ARHGAP15: variants seen among roughly 807,000 people sequenced by gnomAD.
The protein encoded by ARHGAP15 is Rho GTPase activating protein 15, also known as rho GTPase-activating protein 15.
Under a neutral mutation model 63.7 loss-of-function variants are expected in ARHGAP15, and 51 were observed. The ratio of observed to expected loss-of-function variants is 0.80; its 90% CI spans 0.64 to 1.01. ARHGAP15 has a LOEUF of 1.01. Among genes scored for constraint, ARHGAP15 ranks in the 50% least tolerant of loss-of-function variants. The pLI is 0.00. For missense variants in ARHGAP15, 560 were observed against 564.6 expected (o/e 0.99, Z 0.08); for synonymous variants, 191 against 193.8 (o/e 0.99, Z 0.12).
At chr2:143,264,921 G>A (rs1245950571) in intron 6 of ARHGAP15, among the ~76,000 whole-genome samples, 1 of 151,994 alleles carries the variant, frequency 6.6e-6, no homozygotes, top group African/African-American at 2.4e-5. Context: ...ACATGCAGGT[G>A]GTGCCATTTC....
intron 12 of ARHGAP15, among the ~76,000 whole-genome samples, chr2:143,698,898 A>C (rs1178422242): frequency 6.6e-6 from 1 of 152,192 alleles, no homozygotes; most frequent in Non-Finnish European, 1.5e-5. Context: ...TAATGTAAAA[A>C]GTTAGTGATA....
chr2:143,535,408 G>A (rs1015005511), intron 10 of ARHGAP15, among the ~76,000 whole-genome samples: 8 of 152,154 alleles, frequency 5.3e-5, no homozygotes, highest in South Asian at 4.1e-4. Context: ...ATACTAAAGC[G>A]TATATGACCA....
chr2:143,489,177 G>A (rs1045775661), intron 9 of ARHGAP15, among the ~76,000 whole-genome samples: 7 of 152,180 alleles, frequency 4.6e-5, no homozygotes, highest in Non-Finnish European at 1.0e-4. Context: ...GCAGGGTCTG[G>A]CTCCACATGA....
At chr2:143,741,821 T>C (rs1362736654) in intron 13 of ARHGAP15, among the ~76,000 whole-genome samples, 2 of 152,216 alleles carry the variant, frequency 1.3e-5, no homozygotes, top group African/African-American at 4.8e-5. Context: ...CCGGAGCATC[T>C]TGAATACATT....
intron 8 of ARHGAP15, among the ~76,000 whole-genome samples, chr2:143,481,243 ACTAT>A (rs1169894343): frequency 6.6e-6 from 1 of 152,116 alleles, no homozygotes; most frequent in Non-Finnish European, 1.5e-5. Flanking sequence ...TGCTAACAAA[ACTAT>A]CTACCTACAC....
At chr2:143,536,525 C>A (rs1419116260) in intron 10 of ARHGAP15, among the ~76,000 whole-genome samples, 5 of 122,222 alleles carry the variant, frequency 4.1e-5, no homozygotes, top group African/African-American at 1.5e-4. Flanking sequence ...CCTCCCCCCT[C>A]CCCCCACCCC....
intron 1 of ARHGAP15, among the ~76,000 whole-genome samples, chr2:143,153,852 CTCCTCCTCCTCCTCCTCCTCT>C (rs1393671778): frequency 1.1e-4 from 8 of 72,942 alleles, no homozygotes; most frequent in East Asian, 1.0e-3. Context: ...CTTCCTCCTC[CTCCTCCTCCTCCTCCTCCTCT>C]TCCTCCTCCT....
intron 2 of ARHGAP15, among the ~76,000 whole-genome samples, chr2:143,162,934 G>A (rs887870833): frequency 2.0e-5 from 3 of 152,002 alleles, no homozygotes; most frequent in Non-Finnish European, 4.4e-5. Flanking sequence ...AGGCAAGCTA[G>A]AAAATGGTGT....
At chr2:143,498,233 C>T (rs1241881387) in intron 9 of ARHGAP15, among the ~76,000 whole-genome samples, 2 of 152,162 alleles carry the variant, frequency 1.3e-5, no homozygotes, top group Admixed American at 1.3e-4. Context: ...TCTCTTTGGA[C>T]TTCTTACCCC....
At chr2:143,742,133 A>T (rs888363393) in intron 13 of ARHGAP15, among the ~76,000 whole-genome samples, 6 of 152,174 alleles carry the variant, frequency 3.9e-5, no homozygotes, top group African/African-American at 1.4e-4. Context: ...TGGTCTTTGG[A>T]TCTCCTTAGG....
At chr2:143,435,921 C>T (rs888026188) in intron 7 of ARHGAP15, among the ~76,000 whole-genome samples, 1 of 151,844 alleles carries the variant, frequency 6.6e-6, no homozygotes, top group African/African-American at 2.4e-5. Flanking sequence ...TGCATTCTTT[C>T]TTTTTTTCTG....
At chr2:143,735,018 T>TA (rs1409825713) in intron 13 of ARHGAP15, among the ~76,000 whole-genome samples, 2 of 152,186 alleles carry the variant, frequency 1.3e-5, no homozygotes. Flanking sequence ...TCCTTCAAAT[T>TA]AAAAAACGAA....
At chr2:143,616,127 C>G (rs556521103) in intron 11 of ARHGAP15, among the ~76,000 whole-genome samples, 11 of 152,152 alleles carry the variant, frequency 7.2e-5, no homozygotes, top group Admixed American at 6.5e-4. Flanking sequence ...ATCTAAAAGC[C>G]TGGAGAGCAG....
chr2:143,642,785 G>A (rs1680670561), intron 12 of ARHGAP15, among the ~76,000 whole-genome samples: 1 of 152,114 alleles, frequency 6.6e-6, no homozygotes, highest in Admixed American at 6.6e-5. Flanking sequence ...AGTATATGGA[G>A]TTTGGAGAGC....
chr2:143,327,402 A>G (rs1684303825), intron 6 of ARHGAP15, among the ~76,000 whole-genome samples: 1 of 152,180 alleles, frequency 6.6e-6, no homozygotes, highest in Admixed American at 6.5e-5. Flanking sequence ...ACTACTTTAA[A>G]TTTCATATGG....
intron 6 of ARHGAP15, among the ~76,000 whole-genome samples, chr2:143,329,195 G>C (rs1037371320): frequency 2.0e-5 from 3 of 152,122 alleles, no homozygotes; most frequent in Non-Finnish European, 4.4e-5. Context: ...TACATTATAC[G>C]GCAAAGATGA....
intron 12 of ARHGAP15, among the ~76,000 whole-genome samples, chr2:143,689,697 G>T (rs947540612): frequency 2.0e-5 from 3 of 152,048 alleles, no homozygotes; most frequent in African/African-American, 7.2e-5. Flanking sequence ...CTAATTCCTT[G>T]ACTCTGTGGC....
At chr2:143,763,556 CTA>C (rs1197150726) in intron 13 of ARHGAP15, among the ~76,000 whole-genome samples, 1 of 151,384 alleles carries the variant, frequency 6.6e-6, no homozygotes, top group East Asian at 1.9e-4. Flanking sequence ...CACACATGAA[CTA>C]CTGTTTGGTT....
At position 143,457,451 on chromosome 2, in the gene ARHGAP15, T is replaced by C. The variant is rs141669307; in HGVS notation, c.703+20409T>C. On this transcript the variant is annotated intron_variant, in intron 8 of 13. Coordinates refer to ENST00000295095, the MANE Select transcript of ARHGAP15 (RefSeq NM_018460.4). ...GTCCCAGGAGGCTGAGGGAACTTAC[T>C]TGAGCCCAGGAGTTTGAGGTTACAG... Among the ~76,000 whole-genome samples, 23 of 152,014 alleles carry C rather than the reference T, an allele frequency of 1.5e-4. No individual in the cohort carries two copies. The East Asian group carries it at 4.4e-3, about 29-fold the overall frequency.
Sources: gnomAD v4.1 joint callset for allele counts (sites outside exome capture counted in the v4.1 genomes callset) on GRCh38, gnomAD v4.1.1 for gene constraint, MANE v1.5 for transcripts, NCBI Gene and HGNC (gene_info 2026-07-23, HGNC 2026-07-21) for gene names.